Variants in MUCL1 observed in about 807,000 individuals in gnomAD.
MUCL1 encodes mucin like 1.
A neutral mutation model predicts 9.2 loss-of-function variants in MUCL1; 11 were observed. That is an observed-to-expected ratio of 1.19 (90% CI 0.75 to 1.97). MUCL1 has a LOEUF of 1.97. Ranked by LOEUF, MUCL1 falls within the 30% of genes most tolerant of loss-of-function variation. MUCL1 has a pLI of 0.00. For missense variants in MUCL1, 144 were observed against 110.9 expected (o/e 1.30, Z -1.34); for synonymous variants, 48 against 40.5 (o/e 1.19, Z -0.71).
chr12:54,843,025 G>A (rs1488844824), intron 1 of MUCL1, among the ~76,000 whole-genome samples: 2 of 152,142 alleles, frequency 1.3e-5, no homozygotes, highest in African/African-American at 4.8e-5. Flanking sequence ...ATGCTGTACA[G>A]GTTTGCAGCC....
At chr12:54,837,600 C>T (rs943261146), upstream of MUCL1, among the ~76,000 whole-genome samples, 3 of 151,828 alleles carry the variant, frequency 2.0e-5, no homozygotes, top group Non-Finnish European at 4.4e-5. Flanking sequence ...CCTGTCTCTA[C>T]TAAAAAAAAA....
chr12:54,849,386 C>T (rs1959304038), intron 1 of MUCL1, among the ~76,000 whole-genome samples: 1 of 152,056 alleles, frequency 6.6e-6, no homozygotes, highest in South Asian at 2.1e-4. Flanking sequence ...GTAAAAATGG[C>T]AGTTATCTCA....
upstream of MUCL1, among the ~76,000 whole-genome samples, chr12:54,853,828 A>G (rs1592249736): frequency 2.0e-5 from 3 of 152,352 alleles, no homozygotes; most frequent in African/African-American, 7.2e-5. Context: ...CTGGCATACA[A>G]TAATGCTCAA....
chr12:54,846,665 G>T, intron 1 of MUCL1, among the ~76,000 whole-genome samples: 1 of 151,966 alleles, frequency 6.6e-6, no homozygotes. Flanking sequence ...CAAAGAGCCA[G>T]TGGTAGAGAG....
At chr12:54,847,996 A>T (rs1265268426) in intron 1 of MUCL1, among the ~76,000 whole-genome samples, 1 of 148,822 alleles carries the variant, frequency 6.7e-6, no homozygotes, top group Admixed American at 6.7e-5. Flanking sequence ...TTCATCTCCC[A>T]TCATCCTAGG....
chr12:54,846,658 A>G (rs987915858), intron 1 of MUCL1, among the ~76,000 whole-genome samples: 1 of 152,202 alleles, frequency 6.6e-6, no homozygotes, highest in Non-Finnish European at 1.5e-5. Flanking sequence ...TTAACTACAA[A>G]GAGCCAGTGG....
chr12:54,846,003 A>C (rs1322004375), intron 1 of MUCL1, among the ~76,000 whole-genome samples: 2 of 152,108 alleles, frequency 1.3e-5, no homozygotes, highest in African/African-American at 2.4e-5. Context: ...TGCAAAAAAA[A>C]CTTGTAGCTT....
exon 1 of MUCL1, chr12:54,839,409 G>A (rs1355125509): frequency 1.4e-6 from 1 of 702,058 alleles, no homozygotes; most frequent in Non-Finnish European, 2.6e-6. Context: ...GCCAGTATGG[G>A]AGGTGACCAT....
At chr12:54,853,715 C>G (rs368884876), upstream of MUCL1, among the ~76,000 whole-genome samples, 34 of 152,024 alleles carry the variant, frequency 2.2e-4, no homozygotes, top group South Asian at 1.2e-3. Flanking sequence ...TGTGTTTTCT[C>G]TTTCTTTACT....
At chr12:54,854,898 A>G (rs1449698836) in intron 1 of MUCL1, among the ~76,000 whole-genome samples, 1 of 152,170 alleles carries the variant, frequency 6.6e-6, no homozygotes, top group Non-Finnish European at 1.5e-5. Flanking sequence ...GAAGGTAATC[A>G]GAGGTTTATT....
intron 1 of MUCL1, among the ~76,000 whole-genome samples, chr12:54,832,644 CT>C (rs1450988290): frequency 2.6e-5 from 4 of 152,090 alleles, no homozygotes; most frequent in Non-Finnish European, 4.4e-5. Flanking sequence ...CAATCGGATG[CT>C]TTATGAGGTC....
At chr12:54,851,627 C>T (rs1359447390), upstream of MUCL1, among the ~76,000 whole-genome samples, 1 of 152,170 alleles carries the variant, frequency 6.6e-6, no homozygotes, top group Non-Finnish European at 1.5e-5. Context: ...CTCACCACTC[C>T]TATTCAACGT....
chr12:54,851,719 G>T (rs1424607690), upstream of MUCL1, among the ~76,000 whole-genome samples: 1 of 152,158 alleles, frequency 6.6e-6, no homozygotes, highest in Non-Finnish European at 1.5e-5. Context: ...AAGTCAAATT[G>T]TCCTTGTTTG....
upstream of MUCL1, among the ~76,000 whole-genome samples, chr12:54,835,367 C>T (rs901442080): frequency 2.6e-5 from 4 of 152,100 alleles, no homozygotes; most frequent in African/African-American, 4.8e-5. Flanking sequence ...ATTTACATTC[C>T]CATCAGCAGT....
intron 2 of MUCL1, among the ~76,000 whole-genome samples, 174 bp from the exon 3 acceptor site, chr12:54,856,596 A>T (rs1159828700): frequency 6.6e-6 from 1 of 152,200 alleles, no homozygotes; most frequent in Non-Finnish European, 1.5e-5. Flanking sequence ...CAAAGACAAG[A>T]CAGGGAAGGA....
At chr12:54,852,061 T>G (rs185280668), upstream of MUCL1, among the ~76,000 whole-genome samples, 3 of 152,146 alleles carry the variant, frequency 2.0e-5, no homozygotes, top group Non-Finnish European at 4.4e-5. Context: ...GAATCAATAT[T>G]GTGAAAATGG....
upstream of MUCL1, among the ~76,000 whole-genome samples, chr12:54,850,845 T>C (rs965532184): frequency 2.4e-4 from 36 of 152,316 alleles, no homozygotes; most frequent in South Asian, 5.0e-3. Context: ...TTTTAATGAT[T>C]GCCATTCTAA....
upstream of MUCL1, among the ~76,000 whole-genome samples, chr12:54,853,381 T>C (rs368243291): frequency 2.0e-5 from 3 of 152,126 alleles, no homozygotes; most frequent in East Asian, 1.9e-4. Context: ...GGCTCCATTA[T>C]GACAAAGGGC....
chr12:54,856,770 C>T lies in MUCL1; in HGVS notation c.101C>T (p.Thr34Ile). 1.2e-6 allele frequency: 2 copies of T among 1,609,950 alleles called. No individual in the cohort carries two copies. Among genetic ancestry groups the T allele is most frequent in the Non-Finnish European group, 1.7e-6 (2 of 1,177,986 alleles). ...TAAPADTYPA[T>I]GPADDEAPDA... The stretch of plus-strand genomic sequence containing the variant: ...CTAGAGCTTTTCCTTCTAATTTCAG[C>T]TGGTCCTGCTGATGATGAAGCCCCT... Residue 34 changes from threonine to isoleucine, a missense_variant and splice_region_variant, in exon 3 of 4, where the codon ACT (threonine) becomes ATT (isoleucine). Physicochemically the swap from Thr to Ile is moderately conservative, Grantham distance 89. Transcript: ENST00000308796.
Sources: gnomAD v4.1 joint callset for allele counts (sites outside exome capture counted in the v4.1 genomes callset) on GRCh38, gnomAD v4.1.1 for gene constraint, MANE v1.5 for transcripts, NCBI Gene and HGNC (gene_info 2026-07-23, HGNC 2026-07-21) for gene names.